Variants in CCDC14 observed in about 807,000 individuals in gnomAD.
The protein encoded by CCDC14 is coiled-coil domain-containing protein 14.
CCDC14 carries 71 observed loss-of-function variants against 81.4 expected under a neutral mutation model. The ratio of observed to expected loss-of-function variants is 0.87; its 90% CI spans 0.72 to 1.06. The LOEUF is 1.06. Among genes scored for constraint, CCDC14 ranks in the 50% least tolerant of loss-of-function variants. The probability of loss-of-function intolerance (pLI) is 0.00; values close to 1 mark genes in which losing one functional copy is unlikely to be tolerated. For synonymous variants in CCDC14, 332 were observed against 364.8 expected (o/e 0.91, Z 1.03); for missense variants, 1,046 against 1,047.3 (o/e 1.00, Z 0.02).
downstream of CCDC14, among the ~76,000 whole-genome samples, chr3:123,909,128 C>G (rs902803844): frequency 6.6e-6 from 1 of 152,054 alleles, no homozygotes; most frequent in African/African-American, 2.4e-5. Flanking sequence ...TGAATCTGGT[C>G]TCTTACCCCA....
At chr3:123,911,055 C>T (rs911802178), downstream of CCDC14, among the ~76,000 whole-genome samples, 11 of 152,152 alleles carry the variant, frequency 7.2e-5, no homozygotes, top group Non-Finnish European at 8.8e-5. Context: ...GGCAAAAGGC[C>T]GTCCAGGTAA....
intron 10 of CCDC14, among the ~76,000 whole-genome samples, chr3:123,932,719 TC>T (rs1436567500): frequency 2.0e-5 from 3 of 152,188 alleles, no homozygotes; most frequent in Admixed American, 2.0e-4. Context: ...AGCTCTGTGA[TC>T]ATTAAGGACA....
At chr3:123,916,021 T>TA (rs548510731) in intron 12 of CCDC14, among the ~76,000 whole-genome samples, 1 of 146,924 alleles carries the variant, frequency 6.8e-6, no homozygotes, top group Non-Finnish European at 1.5e-5. Flanking sequence ...TTAATTGAGA[T>TA]AGAGTCTCAT....
exon 6 of CCDC14, chr3:123,897,556 T>C: frequency 1.8e-6 from 2 of 1,128,880 alleles, no homozygotes; most frequent in Non-Finnish European, 1.2e-6. Context: ...GTTCATGTAC[T>C]GTATTGGGCT....
the CCDC14 span, among the ~76,000 whole-genome samples, chr3:123,885,474 C>T: frequency 1.1e-5 from 1 of 92,226 alleles, no homozygotes; most frequent in Non-Finnish European, 2.6e-5. Flanking sequence ...CCCCTCCCCC[C>T]ACTCTTTTTT....
intron 8 of CCDC14, 77 bp downstream of exon 8, chr3:123,946,726 T>C (rs2036642734): frequency 2.2e-6 from 3 of 1,365,192 alleles, no homozygotes; most frequent in Non-Finnish European, 3.0e-6. Flanking sequence ...ACAAACTCCA[T>C]TTAAATGATA....
At position 123,946,980 on chromosome 3, in the gene CCDC14, A is replaced by G. The variant is rs1249123015; in HGVS notation, c.1024T>C (p.Cys342Arg). ...GCCTCTCTAATTTGCTCTCTGGCAC[A>G]TTTTTCTTCATTAGTGGCCAAGAAA... The part of the protein sequence containing the change: ...PAFLATNEEK[C>R]AREQIREATS... Residue 342 changes from cysteine (C) to arginine (R), a missense_variant, in exon 8 of 13, where the codon TGT (cysteine) becomes CGT (arginine). Cys to Arg is a radical substitution (Grantham distance 180). Coordinates refer to ENST00000409697, the MANE Select transcript of CCDC14 (RefSeq NM_001366335.1). 3 of 1,613,838 alleles carry G rather than the reference A, an allele frequency of 1.9e-6. No homozygotes were observed. The highest frequency in any genetic ancestry group is 8.5e-7 in the Non-Finnish European group (1 of 1,179,870).
At chr3:123,891,612 A>G in the CCDC14 span, among the ~76,000 whole-genome samples, 1 of 152,122 alleles carries the variant, frequency 6.6e-6, no homozygotes. Context: ...CCTCATCTCC[A>G]TCTGAGACCA....
chr3:123,893,785 C>T (rs1184389095), downstream of CCDC14, among the ~76,000 whole-genome samples: 1 of 151,706 alleles, frequency 6.6e-6, no homozygotes, highest in African/African-American at 2.4e-5. Flanking sequence ...AGTGGTAGTC[C>T]ATTGTAATTT....
chr3:123,938,595 C>T (rs1221582482), intron 9 of CCDC14, among the ~76,000 whole-genome samples: 40 of 151,810 alleles, frequency 2.6e-4, no homozygotes, highest in Admixed American at 2.6e-3. Flanking sequence ...TTTATTTCTT[C>T]TTGCCTTACT....
At position 123,947,218 on chromosome 3, in the gene CCDC14, T is replaced by A. The variant is rs1275339003; in HGVS notation, c.786A>T (p.Gly262=). The change falls in exon 8 of 13, where the codon GGA becomes GGT. Residue 262 remains glycine, a synonymous_variant. Transcript: ENST00000409697. The part of the protein sequence containing the change: ...VLRNSFNTSP[G]VPCSLPKTDI... The stretch of plus-strand genomic sequence containing the variant: ...CAGTTTTGGGCAGGCTACATGGAAC[T>A]CCAGGACTGGTATTAAATGAATTCC... 1 of 1,613,992 alleles carries A rather than the reference T, an allele frequency of 6.2e-7. No homozygotes were observed. Among genetic ancestry groups the A allele is most frequent in the South Asian group, 1.1e-5 (1 of 91,080 alleles).
chr3:123,897,838 C>G (rs1181187226), intron 5 of CCDC14, among the ~76,000 whole-genome samples: 1 of 152,090 alleles, frequency 6.6e-6, no homozygotes, highest in Non-Finnish European at 1.5e-5. Flanking sequence ...GATCTGAAAA[C>G]CCAGCACATC....
chr3:123,917,465 A>G (rs2034777325), intron 12 of CCDC14, among the ~76,000 whole-genome samples: 3 of 151,442 alleles, frequency 2.0e-5, no homozygotes, highest in Admixed American at 2.0e-4. Flanking sequence ...ACCGCACTCC[A>G]GCCTGGGCAA....
chr3:123,949,862 A>T (rs2036908436), intron 5 of CCDC14, among the ~76,000 whole-genome samples: 1 of 152,076 alleles, frequency 6.6e-6, no homozygotes, highest in Non-Finnish European at 1.5e-5. Context: ...TAGAGCACAT[A>T]TTGTCTATAG....
At chr3:123,888,716 TAC>T in the CCDC14 span, among the ~76,000 whole-genome samples, 1 of 152,124 alleles carries the variant, frequency 6.6e-6, no homozygotes, top group Non-Finnish European at 1.5e-5. Context: ...GGAAGTGCCA[TAC>T]ACTTTTAAAC....
At chr3:123,895,718 T>G (rs368470920), downstream of CCDC14, among the ~76,000 whole-genome samples, 3 of 152,362 alleles carry the variant, frequency 2.0e-5, no homozygotes, top group East Asian at 1.9e-4. Context: ...ATTTGCATAT[T>G]AGACAACTGT....
intron 5 of CCDC14, among the ~76,000 whole-genome samples, chr3:123,907,548 A>C (rs531356508): frequency 5.5e-4 from 83 of 151,250 alleles, no homozygotes; most frequent in Middle Eastern, 6.8e-3. Context: ...TCTCCACACA[A>C]AAAAAAAAAA....
rs149552137 is a variant in CCDC14 at position 123,915,553 on chromosome 3, C to G, written c.1944G>C (p.Lys648Asn). The G allele has an allele frequency of 2.2e-5, 36 of 1,613,832 alleles. No individual in the cohort carries two copies. In the African/African-American group the frequency reaches 3.6e-4, roughly 16 times the overall value. ...GTGTAAAACTGTAATTTGTTTCTAACTTATTTAGATAGCTCATTATGGAAG... is the reference window on the plus strand; with the variant it reads ...GTGTAAAACTGTAATTTGTTTCTAAGTTATTTAGATAGCTCATTATGGAAG... Reference protein sequence around the residue: ...AHTSIMSYLNKLETNYSFTHS... With the variant: ...AHTSIMSYLNNLETNYSFTHS... The change falls in exon 13 of 13, where the codon AAG becomes AAC. Residue 648 changes from lysine to asparagine, a missense_variant. Coordinates refer to ENST00000409697, the MANE Select transcript of CCDC14 (RefSeq NM_001366335.1).
chr3:123,916,468 T>TGTGTGTGTGTG (rs1559764283), intron 12 of CCDC14, among the ~76,000 whole-genome samples: 44 of 146,180 alleles, frequency 3.0e-4, no homozygotes, highest in Middle Eastern at 3.4e-3. Flanking sequence ...ATATATGTGT[T>TGTGTGTGTGTG]TGTGTGTGTG....
Sources: allele counts gnomAD v4.1 joint callset (sites outside exome capture counted in the v4.1 genomes callset), GRCh38; gene constraint gnomAD v4.1.1; transcripts MANE v1.5; gene names NCBI Gene and HGNC (gene_info 2026-07-23, HGNC 2026-07-21).